COL22A1: variants seen among roughly 807,000 people sequenced by gnomAD.
COL22A1 encodes the protein collagen alpha-1(XXII) chain.
COL22A1 carries 221 observed loss-of-function variants against 248.9 expected under a neutral mutation model. The observed-to-expected ratio is 0.89, with a 90% CI of 0.80 to 0.99. The LOEUF (loss-of-function observed/expected upper bound fraction) is 0.99. COL22A1 is among the 50% of genes least tolerant of loss of function. COL22A1 has a pLI of 0.00. For synonymous variants in COL22A1, 891 were observed against 793.4 expected (o/e 1.12, Z -2.07); for missense variants, 2,240 against 2,179.0 (o/e 1.03, Z -0.56).
At chr8:138,723,700 C>G (rs1830080803) in intron 25 of COL22A1, among the ~76,000 whole-genome samples, 1 of 152,180 alleles carries the variant, frequency 6.6e-6, no homozygotes, top group Non-Finnish European at 1.5e-5. Flanking sequence ...AGCCAGTGTT[C>G]CTCCCACACG....
At chr8:138,828,537 T>C (rs1462539331) in intron 5 of COL22A1, among the ~76,000 whole-genome samples, 1 of 152,318 alleles carries the variant, frequency 6.6e-6, no homozygotes, top group East Asian at 1.9e-4. Context: ...TAGGATCTCA[T>C]TTGACATAAG....
rs1564190794 is a variant in COL22A1, at chr8:138,685,196, CCTT to C, written c.2967+9_2967+11del. The C allele has an allele frequency of 6.3e-7, 1 of 1,575,698 alleles. No homozygotes were observed. Among genetic ancestry groups the C allele is most frequent in the Non-Finnish European group, 8.7e-7 (1 of 1,148,910 alleles). On this transcript the variant is annotated intron_variant, in intron 38 of 64. Coordinates refer to ENST00000303045, the MANE Select transcript of COL22A1 (RefSeq NM_152888.3). ...TTTCTACAGGCACTGGGACCCCCGA[CCTT>C]CCACTTACCGGCTCTCCATCCTTCC...
At chr8:138,809,403 TGAA>T (rs1267634583) in intron 9 of COL22A1, among the ~76,000 whole-genome samples, 2 of 152,208 alleles carry the variant, frequency 1.3e-5, no homozygotes, top group Admixed American at 1.3e-4. Context: ...GAAGAAGGAA[TGAA>T]GGAGTGATTA....
intron 3 of COL22A1, among the ~76,000 whole-genome samples, chr8:138,849,998 T>G (rs1821510569): frequency 6.6e-6 from 1 of 152,200 alleles, no homozygotes; most frequent in Admixed American, 6.5e-5. Context: ...ATTATCCATA[T>G]TTTACAGGTG....
intron 13 of COL22A1, 112 bp from the exon 14 acceptor site, chr8:138,779,674 C>T: frequency 1.4e-6 from 1 of 710,470 alleles, no homozygotes; most frequent in Non-Finnish European, 2.5e-6. Context: ...GAACACATCA[C>T]AGAAACAAGG....
At chr8:138,608,525 C>T (rs996926062) in intron 56 of COL22A1, among the ~76,000 whole-genome samples, 2 of 152,160 alleles carry the variant, frequency 1.3e-5, no homozygotes, top group Admixed American at 1.3e-4. Flanking sequence ...AGTCATGCAG[C>T]TACAAAATGG....
At chr8:138,713,708 CCACCCCCACCG>C (rs1829209836) in intron 30 of COL22A1, among the ~76,000 whole-genome samples, 1 of 37,308 alleles carries the variant, frequency 2.7e-5, no homozygotes, top group African/African-American at 7.7e-5. Flanking sequence ...CCCTATGAGT[CCACCCCCACCG>C]CCCCGCCGTA....
chr8:138,731,833 T>A (rs1586597220), intron 23 of COL22A1, among the ~76,000 whole-genome samples: 1 of 152,182 alleles, frequency 6.6e-6, no homozygotes, highest in African/African-American at 2.4e-5. Context: ...CTTCAGCATC[T>A]TCCATGGCCT....
At chr8:138,736,524 C>T (rs997518921) in intron 23 of COL22A1, among the ~76,000 whole-genome samples, 6 of 152,020 alleles carry the variant, frequency 3.9e-5, no homozygotes, top group African/African-American at 7.2e-5. Context: ...AAGCCCTCTG[C>T]GCCTGGAGCC....
intron 11 of COL22A1, among the ~76,000 whole-genome samples, chr8:138,799,037 C>T (rs1429780454): frequency 6.6e-6 from 1 of 152,098 alleles, no homozygotes; most frequent in Non-Finnish European, 1.5e-5. Context: ...TATTTTTTCT[C>T]TGTTCTTCAG....
At chr8:138,640,107 T>C (rs1426365473) in intron 47 of COL22A1, among the ~76,000 whole-genome samples, 1 of 152,222 alleles carries the variant, frequency 6.6e-6, no homozygotes, top group African/African-American at 2.4e-5. Context: ...GTCTTTGCAA[T>C]CTCTTAGCAT....
rs555737694 is a variant in COL22A1, at chr8:138,912,757, A to T, written c.-73+862T>A. Reference sequence around the variant, plus strand: ...AAGAGTGAAACTCGGCCTCAAAAAAAAAAAAAGTGTCAGGATGGGGCTCTG... The same window carrying T: ...AAGAGTGAAACTCGGCCTCAAAAAATAAAAAAGTGTCAGGATGGGGCTCTG... On this transcript the variant is annotated intron_variant, in intron 1 of 64. Coordinates refer to ENST00000303045, the MANE Select transcript of COL22A1 (RefSeq NM_152888.3). 3.3e-5 allele frequency among the ~76,000 whole-genome samples: 5 copies of T among 152,158 alleles called. No homozygotes were observed. In the South Asian group the frequency reaches 1.0e-3, roughly 32 times the overall value.
At chr8:138,813,321 G>A (rs1488076595) in intron 7 of COL22A1, among the ~76,000 whole-genome samples, 1 of 152,186 alleles carries the variant, frequency 6.6e-6, no homozygotes, top group Admixed American at 6.5e-5. Context: ...ACTGAATCAT[G>A]GAGAGGGTTT....
chr8:138,913,447 G>A (rs1815599461), intron 1 of COL22A1, among the ~76,000 whole-genome samples, 172 bp downstream of exon 1: 1 of 152,262 alleles, frequency 6.6e-6, no homozygotes, highest in South Asian at 2.1e-4. Flanking sequence ...ACTCCCTAAA[G>A]AGCGAAGTGT....
At chr8:138,875,223 T>G (rs1451088162) in intron 3 of COL22A1, among the ~76,000 whole-genome samples, 3 of 152,046 alleles carry the variant, frequency 2.0e-5, no homozygotes, top group African/African-American at 7.2e-5. Context: ...AGACCAGTCA[T>G]GGTGAAGCCC....
chr8:138,696,585 C>T (rs1159500851), intron 32 of COL22A1, among the ~76,000 whole-genome samples: 1 of 151,390 alleles, frequency 6.6e-6, no homozygotes, highest in Non-Finnish European at 1.5e-5. Context: ...TACCTGCCCT[C>T]CCTTCCCAAG....
chr8:138,706,639 T>G (rs1828478759), intron 30 of COL22A1, among the ~76,000 whole-genome samples: 1 of 152,156 alleles, frequency 6.6e-6, no homozygotes, highest in South Asian at 2.1e-4. Flanking sequence ...TTCAAAGCAG[T>G]GTGTAAAGGG....
At chr8:138,779,403 G>A in intron 14 of COL22A1, 106 bp downstream of exon 14, 2 of 716,986 alleles carry the variant, frequency 2.8e-6, no homozygotes, top group Non-Finnish European at 2.5e-6. Context: ...GAGAAGAGGG[G>A]CAGGGAACCT....
In COL22A1 at chr8:138,643,224, C is replaced by T. The variant is rs118122321; in HGVS notation, c.3501+3405G>A. The stretch of plus-strand genomic sequence containing the variant: ...CAACATTTGAAGATGCTACACTTTC[C>T]TGATACCTTTCAATCTAACACTGCC... On this transcript the variant is annotated intron_variant, in intron 47 of 64. Coordinates refer to ENST00000303045, the MANE Select transcript of COL22A1 (RefSeq NM_152888.3). Among the ~76,000 whole-genome samples the T allele has an allele frequency of 3.6e-3, 555 of 152,272 alleles. 3 individuals are homozygous for T. Among genetic ancestry groups the T allele is most frequent in the Non-Finnish European group, 6.0e-3 (410 of 68,020 alleles).
Sources: gnomAD v4.1 joint callset for allele counts (sites outside exome capture counted in the v4.1 genomes callset) on GRCh38, gnomAD v4.1.1 for gene constraint, MANE v1.5 for transcripts, NCBI Gene and HGNC (gene_info 2026-07-23, HGNC 2026-07-21) for gene names.